The following CCSER1 variants were observed in gnomAD, a reference collection of about 807,000 sequenced individuals.
CCSER1 encodes the protein coiled-coil serine rich protein 1, also known as serine-rich coiled-coil domain-containing protein 1.
A neutral mutation model predicts 82.0 loss-of-function variants in CCSER1; 41 were observed. That is an observed-to-expected ratio of 0.50 (90% CI 0.39 to 0.65). The LOEUF (loss-of-function observed/expected upper bound fraction) is 0.65. Among genes scored for constraint, CCSER1 ranks in the 30% least tolerant of loss-of-function variants. CCSER1 has a pLI of 0.00. For missense variants in CCSER1, 1,119 were observed against 1,064.2 expected, an observed-to-expected ratio of 1.05 and a Z score of -0.72; for synonymous variants, 414 against 383.9, an observed-to-expected ratio of 1.08 and a Z score of -0.92.
At chr4:91,077,522 A>G (rs1581490411) in intron 9 of CCSER1, among the ~76,000 whole-genome samples, 1 of 152,332 alleles carries the variant, frequency 6.6e-6, no homozygotes, top group East Asian at 1.9e-4. Flanking sequence ...AAAAGTTGAA[A>G]ACACTATTGC....
intron 3 of CCSER1, among the ~76,000 whole-genome samples, chr4:90,347,865 G>C (rs920686483): frequency 6.6e-6 from 1 of 152,128 alleles, no homozygotes; most frequent in African/African-American, 2.4e-5. Flanking sequence ...TGAGAAGCAA[G>C]GTTTAGGTGG....
At chr4:91,093,400 C>G (rs1273332689) in intron 10 of CCSER1, among the ~76,000 whole-genome samples, 1 of 152,204 alleles carries the variant, frequency 6.6e-6, no homozygotes, top group East Asian at 1.9e-4. Flanking sequence ...CGTTACAGAC[C>G]TCAATGGTTA....
intron 10 of CCSER1, among the ~76,000 whole-genome samples, chr4:91,232,087 A>G (rs1049904667): frequency 1.3e-5 from 2 of 151,862 alleles, no homozygotes; most frequent in East Asian, 3.8e-4. Flanking sequence ...AAAGTTTTAT[A>G]ATTTACTATT....
chr4:90,780,667 A>G, intron 7 of CCSER1: 1 of 1,363,252 alleles, frequency 7.3e-7, no homozygotes, highest in Non-Finnish European at 9.4e-7. Context: ...TAAAATAATA[A>G]TGAACTAAGG....
At chr4:91,186,615 T>C (rs1734564857) in intron 10 of CCSER1, among the ~76,000 whole-genome samples, 1 of 151,950 alleles carries the variant, frequency 6.6e-6, no homozygotes, top group African/African-American at 2.4e-5. Context: ...AAATCAGGGG[T>C]CTCACAACCT....
chr4:90,144,180 A>G (rs1179723246), intron 1 of CCSER1, among the ~76,000 whole-genome samples: 1 of 152,160 alleles, frequency 6.6e-6, no homozygotes, highest in African/African-American at 2.4e-5. Context: ...TCATTTTATT[A>G]TAATTCACAG....
At chr4:90,599,706 G>T (rs1783810523) in intron 5 of CCSER1, among the ~76,000 whole-genome samples, 1 of 152,094 alleles carries the variant, frequency 6.6e-6, no homozygotes. Context: ...TCACTCCTTT[G>T]CTGCACTCTG....
chr4:90,543,948 C>T (rs768349248), intron 5 of CCSER1, among the ~76,000 whole-genome samples: 1 of 152,060 alleles, frequency 6.6e-6, no homozygotes, highest in Non-Finnish European at 1.5e-5. Flanking sequence ...ATGAGTGAGC[C>T]TGTCACAGTT....
chr4:90,782,830 A>C (rs1335936417), intron 7 of CCSER1, among the ~76,000 whole-genome samples: 3 of 151,070 alleles, frequency 2.0e-5, no homozygotes, highest in Middle Eastern at 3.4e-3. Context: ...TACAGGTGCC[A>C]GCCATCACGC....
intron 5 of CCSER1, among the ~76,000 whole-genome samples, chr4:90,483,269 T>A (rs1438401154): frequency 6.6e-6 from 1 of 152,234 alleles, no homozygotes; most frequent in Admixed American, 6.5e-5. Flanking sequence ...TGTGTGTCTC[T>A]GCACATGAGA....
At chr4:90,159,451 A>T (rs189299577) in intron 1 of CCSER1, among the ~76,000 whole-genome samples, 1 of 152,318 alleles carries the variant, frequency 6.6e-6, no homozygotes, top group Admixed American at 6.5e-5. Context: ...AGAGGAATAG[A>T]AGCAGTCTGT....
Position 91,584,130 on chromosome 4 carries a change from T to G in CCSER1, c.2218-14442T>G, listed in dbSNP as rs191750472. On this transcript the variant is annotated intron_variant, in intron 10 of 10. Coordinates refer to ENST00000509176, the MANE Select transcript of CCSER1 (RefSeq NM_001145065.2). ...TCATTTTTTGTTCAACAGATACAAG[T>G]TCAACAAATAACTACTAAATGCCAG... Among the ~76,000 whole-genome samples the G allele has an allele frequency of 1.1e-4, 17 of 151,594 alleles. No individual in the cohort carries two copies. In the East Asian group the frequency reaches 3.3e-3, roughly 29 times the overall value.
At chr4:90,141,214 T>TA (rs1187429681) in intron 1 of CCSER1, among the ~76,000 whole-genome samples, 1 of 152,204 alleles carries the variant, frequency 6.6e-6, no homozygotes, top group Non-Finnish European at 1.5e-5. Flanking sequence ...CATCAGTTTT[T>TA]ATTCTTGATG....
chr4:91,186,638 G>A (rs141937170), intron 10 of CCSER1, among the ~76,000 whole-genome samples: 29,923 of 152,114 alleles, frequency 0.2, 3,212 homozygotes, highest in Non-Finnish European at 0.23. Flanking sequence ...AGAGCTGAGA[G>A]CCCCAAACAG....
chr4:91,059,632 C>T (rs569928370), intron 9 of CCSER1, among the ~76,000 whole-genome samples: 9 of 151,834 alleles, frequency 5.9e-5, no homozygotes, highest in African/African-American at 2.2e-4. Context: ...CACACAAACA[C>T]ACACACACAA....
At chr4:90,559,736 G>A (rs1778515260) in intron 5 of CCSER1, among the ~76,000 whole-genome samples, 1 of 150,908 alleles carries the variant, frequency 6.6e-6, no homozygotes, top group African/African-American at 2.4e-5. Flanking sequence ...CGTGAACCTG[G>A]GAGGCGGAGC....
intron 10 of CCSER1, among the ~76,000 whole-genome samples, chr4:91,284,610 A>G (rs547572979): frequency 8.5e-5 from 13 of 152,118 alleles, no homozygotes; most frequent in Non-Finnish European, 1.6e-4. Flanking sequence ...AGAAAGAGCT[A>G]TTTTCATTGC....
chr4:91,393,053 T>C (rs917964868), intron 10 of CCSER1, among the ~76,000 whole-genome samples: 1 of 152,092 alleles, frequency 6.6e-6, no homozygotes, highest in African/African-American at 2.4e-5. Context: ...GAGTAATAGA[T>C]AATGGACAAT....
chr4:90,183,388 T>C (rs1268063258), intron 1 of CCSER1, among the ~76,000 whole-genome samples: 1 of 152,028 alleles, frequency 6.6e-6, no homozygotes, highest in Non-Finnish European at 1.5e-5. Flanking sequence ...TCTATAATGG[T>C]TTATTTGCAT....
Sources: allele counts gnomAD v4.1 joint callset (sites outside exome capture counted in the v4.1 genomes callset), GRCh38; gene constraint gnomAD v4.1.1; transcripts MANE v1.5; gene names NCBI Gene and HGNC (gene_info 2026-07-23, HGNC 2026-07-21).